The following GAS6 variants were observed in gnomAD, a reference collection of about 807,000 sequenced individuals.
GAS6 encodes the protein growth arrest specific 6, also known as growth arrest-specific protein 6.
Under a neutral mutation model 75.8 loss-of-function variants are expected in GAS6, and 41 were observed. The observed-to-expected ratio is 0.54, with a 90% CI of 0.42 to 0.70. The LOEUF is 0.70. Ranked by LOEUF, GAS6 falls within the 30% of genes least tolerant of loss-of-function variation. The pLI is 0.00. For missense variants in GAS6, 854 were observed against 940.2 expected (o/e 0.91, Z 1.20); for synonymous variants, 432 against 412.6 (o/e 1.05, Z -0.57).
chr13:113,834,636 A>AC lies in GAS6; in HGVS notation c.748dup (p.Val250GlyfsTer14). 14 of 1,606,096 alleles carry AC rather than the reference A, an allele frequency of 8.7e-6. No individual in the cohort carries two copies. The highest frequency in any genetic ancestry group is 1.2e-5 in the Non-Finnish European group (14 of 1,176,356). ...GTAGCTCCCTGGGGAGTTCACGCAGACCTGCTCACAGCGGCCCTGCAGACA... is the reference window on the plus strand; with the variant it reads ...GTAGCTCCCTGGGGAGTTCACGCAGACCCTGCTCACAGCGGCCCTGCAGACA... On this transcript the variant is annotated frameshift_variant, in exon 8 of 15. Transcript: ENST00000327773.
Position 113,829,997 on chromosome 13 carries a change from C to G in GAS6, c.1144-1286G>C, listed in dbSNP as rs555708886. ...GAGACCACCTGATCCACACCTGAGC[C>G]AAGAGGGTCCCAACCTCAGAGAGTC... On this transcript the variant is annotated intron_variant, in intron 10 of 14. Transcript: ENST00000327773. 7.2e-5 allele frequency among the ~76,000 whole-genome samples: 11 copies of G among 152,360 alleles called. No homozygotes were observed. In the East Asian group the frequency reaches 2.1e-3, roughly 29 times the overall value.
At position 113,826,995 on chromosome 13, in the gene GAS6, C is replaced by G. The variant is rs112147816; in HGVS notation, c.1477+1G>C. 1 of 1,612,614 alleles carries G rather than the reference C, an allele frequency of 6.2e-7. No individual in the cohort carries two copies. Among genetic ancestry groups the G allele is most frequent in the Non-Finnish European group, 8.5e-7 (1 of 1,179,706 alleles). ...CCCCAACGGTAAGAGCCAAGACTTACTGTAGTCCAGGCTGTAGAAGGCGAA... is the reference window on the plus strand; with the variant it reads ...CCCCAACGGTAAGAGCCAAGACTTAGTGTAGTCCAGGCTGTAGAAGGCGAA... On this transcript the variant is annotated splice_donor_variant, in intron 12 of 14. Transcript: ENST00000327773. LOFTEE classifies it high-confidence loss of function.
chr13:113,833,403 A>T, intron 8 of GAS6: 2 of 992,408 alleles, frequency 2.0e-6, no homozygotes, highest in Non-Finnish European at 2.4e-6. Flanking sequence ...GCTGCATCCC[A>T]GGTCTGCGAC....
chr13:113,853,396 G>C (rs1295984148), intron 2 of GAS6, among the ~76,000 whole-genome samples: 1 of 152,258 alleles, frequency 6.6e-6, no homozygotes, highest in Non-Finnish European at 1.5e-5. Flanking sequence ...GCTGCAGTGA[G>C]GATCAGAGGT....
intron 2 of GAS6, among the ~76,000 whole-genome samples, chr13:113,858,762 C>T (rs7998962): frequency 0.024 from 3,370 of 137,576 alleles, 68 homozygotes; most frequent in African/African-American, 0.039. Flanking sequence ...TATGTGTGTG[C>T]GTGTCATTAT....
At position 113,826,901 on chromosome 13, in the gene GAS6, C is replaced by T; in HGVS notation, c.1477+95G>A. ...GGAACCGGAGGAGCCTCAGCTTGTCCTGACGCTGCCATCTGAGGCCGTCTG... is the reference window on the plus strand; with the variant it reads ...GGAACCGGAGGAGCCTCAGCTTGTCTTGACGCTGCCATCTGAGGCCGTCTG... On this transcript the variant is annotated intron_variant, in intron 12 of 14. Coordinates refer to ENST00000327773, the MANE Select transcript of GAS6 (RefSeq NM_000820.4). 5.7e-6 allele frequency: 3 copies of T among 523,552 alleles called. No homozygotes were observed. The Admixed American group carries it at 1.6e-4, about 28-fold the overall frequency. The allele number at this position is 523,552 out of a possible 1,614,324, so 32.4% of individuals were successfully genotyped here. A position where few individuals can be genotyped will look rare whatever the true frequency, so the allele number is the denominator to read the frequency against.
At chr13:113,831,308 C>T (rs2051627357) in intron 10 of GAS6, among the ~76,000 whole-genome samples, 1 of 152,186 alleles carries the variant, frequency 6.6e-6, no homozygotes, top group Non-Finnish European at 1.5e-5. Context: ...TGCATGGCCG[C>T]ACTGACCAGC....
chr13:113,833,565 C>T, intron 8 of GAS6: 1 of 944,636 alleles, frequency 1.1e-6, no homozygotes, highest in Non-Finnish European at 1.3e-6. Context: ...TACTGCATTC[C>T]TACCGGTGTG....
In GAS6 at chr13:113,823,369, C is replaced by T; in HGVS notation, c.1653+6G>A. ...GTCAGGACGCCCTGGGTGGCGGAGG[C>T]CCTACCTGCTTCTTGAGTTTCTTCG... On this transcript the variant is annotated splice_donor_region_variant and intron_variant, in intron 13 of 14. Coordinates refer to ENST00000327773, the MANE Select transcript of GAS6 (RefSeq NM_000820.4). The T allele has an allele frequency of 6.2e-7, 1 of 1,605,820 alleles. No homozygotes were observed. The highest frequency in any genetic ancestry group is 8.5e-7 in the Non-Finnish European group (1 of 1,175,406).
chr13:113,823,669 C>T lies in GAS6; in HGVS notation c.1478-119G>A, dbSNP rs147253799. 0.014 allele frequency: 13,914 copies of T among 985,746 alleles called. 148 individuals are homozygous for T. The highest frequency in any genetic ancestry group is 0.016 in the Non-Finnish European group (11,102 of 676,584). 61.1% of individuals were successfully genotyped at this position (985,746 alleles called of 1,614,324 possible). ...GGGTGGGAAGCTGTGCAGACAGCCCCGGATCTGGGACGTGATGGAAAACTC... is the reference window on the plus strand; with the variant it reads ...GGGTGGGAAGCTGTGCAGACAGCCCTGGATCTGGGACGTGATGGAAAACTC... On this transcript the variant is annotated intron_variant, in intron 12 of 14. Transcript: ENST00000327773.
intron 2 of GAS6, among the ~76,000 whole-genome samples, chr13:113,855,426 G>A (rs1594209414): frequency 6.6e-6 from 1 of 152,324 alleles, no homozygotes; most frequent in South Asian, 2.1e-4. Context: ...ATGATCCCAG[G>A]ACAAACACGA....
At chr13:113,833,403 A>C (rs993915335) in intron 8 of GAS6, 42 of 992,408 alleles carry the variant, frequency 4.2e-5, no homozygotes, top group Middle Eastern at 5.2e-4. Flanking sequence ...GCTGCATCCC[A>C]GGTCTGCGAC....
chr13:113,839,859 G>A lies in GAS6; in HGVS notation c.344-9C>T. 1.2e-6 allele frequency: 2 copies of A among 1,613,582 alleles called. No homozygotes were observed. Among genetic ancestry groups the A allele is most frequent in the Non-Finnish European group, 1.7e-6 (2 of 1,179,888 alleles). On this transcript the variant is annotated splice_polypyrimidine_tract_variant and intron_variant, in intron 4 of 14. Coordinates refer to ENST00000327773, the MANE Select transcript of GAS6 (RefSeq NM_000820.4). ...GCACTGGTCAGGCAGGTCTGATTGG[G>A]GACACAAAGTGGAAAATCATGTTCA...
chr13:113,849,752 G>C (rs1179346503), intron 2 of GAS6, among the ~76,000 whole-genome samples: 1 of 152,184 alleles, frequency 6.6e-6, no homozygotes, highest in East Asian at 1.9e-4. Context: ...TCTCCTGTCA[G>C]TTCGCCACAC....
At position 113,845,191 on chromosome 13, in the gene GAS6, T is replaced by C. The variant is rs1168156282; in HGVS notation, c.343+1336A>G. 3 of 150,550 alleles carry C rather than the reference T, an allele frequency of 2.0e-5. No homozygotes were observed. Among genetic ancestry groups the C allele is most frequent in the African/African-American group, 5.0e-5 (2 of 39,890 alleles). The allele number at this position is 150,550 out of a possible 1,614,324, so 9.3% of individuals were successfully genotyped here. On this transcript the variant is annotated intron_variant, in intron 4 of 14. Coordinates refer to ENST00000327773, the MANE Select transcript of GAS6 (RefSeq NM_000820.4). The surrounding 1 kb of genome is among the most constrained non-coding windows in gnomAD (Gnocchi z 4.3). ...CACCCTCCCATTCCCATGTTTACAC[T>C]GAGCATTTCCTCTGCCTGTGTCTCT...
chr13:113,834,649 G>T lies in GAS6; in HGVS notation c.736C>A (p.Arg246Ser). 1.3e-6 allele frequency: 2 copies of T among 1,596,084 alleles called. No individual in the cohort carries two copies. The highest frequency in any genetic ancestry group is 8.5e-7 in the Non-Finnish European group (1 of 1,170,238). The change falls in exon 8 of 15, where the codon CGC (arginine) becomes AGC (serine). Residue 246 changes from arginine (R) to serine (S), a missense_variant. Coordinates refer to ENST00000327773, the MANE Select transcript of GAS6 (RefSeq NM_000820.4). The part of the protein sequence containing the change: ...CRDVDECLQG[R>S]CEQVCVNSPG... Reference sequence around the variant, plus strand: ...GAGTTCACGCAGACCTGCTCACAGCGGCCCTGCAGACACTCGTCCACATCT... The same window carrying T: ...GAGTTCACGCAGACCTGCTCACAGCTGCCCTGCAGACACTCGTCCACATCT...
At chr13:113,827,796 G>A (rs1234187525) in intron 11 of GAS6, among the ~76,000 whole-genome samples, 1 of 152,216 alleles carries the variant, frequency 6.6e-6, no homozygotes, top group Non-Finnish European at 1.5e-5. Flanking sequence ...GTCAGCACGT[G>A]GGGGCTGGAG....
chr13:113,832,919 G>A (rs1243784848), intron 8 of GAS6, 167 bp from the exon 9 acceptor site: 2 of 1,502,626 alleles, frequency 1.3e-6, no homozygotes, highest in Non-Finnish European at 1.8e-6. Context: ...CTGCCCCACT[G>A]GGACTCCCAG....
In GAS6 at chr13:113,838,982, G is replaced by T. The variant is rs184284968; in HGVS notation, c.466+746C>A. The T allele has an allele frequency of 3.0e-4, 52 of 172,582 alleles. No homozygotes were observed. In the East Asian group the frequency reaches 5.9e-3, roughly 20 times the overall value. The allele number at this position is 172,582 out of a possible 1,614,324, so 10.7% of individuals were successfully genotyped here. ...CTGGCCTTGCGTGTGGAGGTAGATG[G>T]TGGGAGGGCATGGGGGATCCCCAGC... On this transcript the variant is annotated intron_variant, in intron 5 of 14. Coordinates refer to ENST00000327773, the MANE Select transcript of GAS6 (RefSeq NM_000820.4).
Sources: gnomAD v4.1 joint callset for allele counts (sites outside exome capture counted in the v4.1 genomes callset) on GRCh38, gnomAD v4.1.1 for gene constraint, Gnocchi (gnomAD v3.1) non-coding constraint, MANE v1.5 for transcripts, NCBI Gene and HGNC (gene_info 2026-07-23, HGNC 2026-07-21) for gene names.